Variants in RASGEF1B observed in about 807,000 individuals in gnomAD.
RASGEF1B encodes the protein RasGEF domain family member 1B.
A neutral mutation model predicts 65.7 loss-of-function variants in RASGEF1B; 30 were observed. That is an observed-to-expected ratio of 0.46 (90% CI 0.34 to 0.62). The LOEUF (loss-of-function observed/expected upper bound fraction) is 0.62, where lower values mean the gene tolerates loss of function less well. Among genes scored for constraint, RASGEF1B ranks in the 20% least tolerant of loss-of-function variants. RASGEF1B has a pLI of 0.01. For missense variants in RASGEF1B, 495 were observed against 580.1 expected, an observed-to-expected ratio of 0.85 and a Z score of 1.51; for synonymous variants, 175 against 194.8, an observed-to-expected ratio of 0.90 and a Z score of 0.85.
intron 10 of RASGEF1B, among the ~76,000 whole-genome samples, chr4:81,438,753 GT>G (rs1721733894): frequency 7.3e-6 from 1 of 137,590 alleles, no homozygotes; most frequent in South Asian, 2.4e-4. Context: ...CCCAAGTTAT[GT>G]GTTGTCCCCT....
rs1187917367 is a variant in RASGEF1B at position 81,432,322 on chromosome 4, C to T, written c.1374G>A (p.Glu458=). 6.2e-7 allele frequency: 1 copy of T among 1,609,628 alleles called. No individual in the cohort carries two copies. The highest frequency in any genetic ancestry group is 1.7e-5 in the Admixed American group (1 of 59,926). Residue 458 remains glutamate, a synonymous_variant, in exon 13 of 14, where the codon GAG becomes GAA. Coordinates refer to ENST00000264400, the MANE Select transcript of RASGEF1B (RefSeq NM_152545.3). ...ACCTTAAAGACTTCCATCTGTCTTT[C>T]TCTATATGATTTTCAGGTCCTTCAC... The part of the protein sequence containing the change: ...YESEGPENHI[E]KDRWKSLRSS...
intron 13 of RASGEF1B, among the ~76,000 whole-genome samples, chr4:81,428,594 A>G (rs1721310344): frequency 6.6e-6 from 1 of 152,236 alleles, no homozygotes; most frequent in Non-Finnish European, 1.5e-5. Context: ...TAGCATTTAC[A>G]TTATATTAGG....
intron 12 of RASGEF1B, among the ~76,000 whole-genome samples, chr4:81,432,920 A>T (rs1470396577): frequency 6.6e-6 from 1 of 152,008 alleles, no homozygotes; most frequent in Non-Finnish European, 1.5e-5. Context: ...GGCATAGGTG[A>T]TATTAATTAA....
At chr4:81,430,134 T>C (rs534111864) in intron 13 of RASGEF1B, among the ~76,000 whole-genome samples, 7 of 152,270 alleles carry the variant, frequency 4.6e-5, no homozygotes, top group African/African-American at 1.7e-4. Flanking sequence ...ACCCCGTCTG[T>C]ACTAAAGATA....
chr4:81,446,700 A>T (rs1306423074), intron 6 of RASGEF1B, among the ~76,000 whole-genome samples: 1 of 152,204 alleles, frequency 6.6e-6, no homozygotes, highest in Non-Finnish European at 1.5e-5. Flanking sequence ...AAGGCAAAAA[A>T]GTTAATCTCA....
At chr4:81,437,318 G>T (rs1721664035) in intron 10 of RASGEF1B, among the ~76,000 whole-genome samples, 1 of 152,126 alleles carries the variant, frequency 6.6e-6, no homozygotes, top group South Asian at 2.1e-4. Context: ...GAGTTTTACT[G>T]GAAGACAGCC....
At chr4:81,437,422 C>T (rs1721668024) in intron 10 of RASGEF1B, among the ~76,000 whole-genome samples, 1 of 151,856 alleles carries the variant, frequency 6.6e-6, no homozygotes, top group Admixed American at 6.6e-5. Flanking sequence ...ATAAGACAGC[C>T]CCAGGGAAAT....
intron 1 of RASGEF1B, among the ~76,000 whole-genome samples, chr4:81,463,747 C>T (rs1445346358): frequency 1.3e-5 from 2 of 152,162 alleles, no homozygotes; most frequent in Non-Finnish European, 2.9e-5. Context: ...TCTAAAGTAT[C>T]TTCCCTCTTG....
At chr4:81,460,862 A>C (rs1178043931) in intron 1 of RASGEF1B, among the ~76,000 whole-genome samples, 2 of 152,216 alleles carry the variant, frequency 1.3e-5, no homozygotes, top group African/African-American at 4.8e-5. Context: ...AACGGGATCC[A>C]TGAAAAAGCC....
chr4:81,469,882 T>C (rs1722963970), intron 1 of RASGEF1B, among the ~76,000 whole-genome samples: 1 of 152,222 alleles, frequency 6.6e-6, no homozygotes, highest in Admixed American at 6.5e-5. Context: ...ATGTAACACT[T>C]CGTTAGACAA....
At chr4:81,461,024 G>A (rs1365008092) in intron 1 of RASGEF1B, among the ~76,000 whole-genome samples, 1 of 139,824 alleles carries the variant, frequency 7.2e-6, no homozygotes, top group Admixed American at 6.7e-5. Flanking sequence ...AACACAGATG[G>A]TCTGCACACA....
In RASGEF1B at chr4:81,427,759, T is replaced by G. The variant is rs754544083; in HGVS notation, c.*9A>C. ...GCAGCAGCAGCAGCAGGCAGGCAGC[T>G]CCCATGTGTTAAACTCTGCCTAAGA... On this transcript the variant is annotated 3_prime_UTR_variant, in exon 14 of 14. Transcript: ENST00000264400. The G allele has an allele frequency of 6.2e-7, 1 of 1,613,760 alleles. No homozygotes were observed. The highest frequency in any genetic ancestry group is 8.5e-7 in the Non-Finnish European group (1 of 1,180,012).
At chr4:81,456,345 T>C in intron 4 of RASGEF1B, 1 of 596,292 alleles carries the variant, frequency 1.7e-6, no homozygotes. Context: ...TCAAACCTTT[T>C]TGGGAGGAAA....
intron 10 of RASGEF1B, among the ~76,000 whole-genome samples, chr4:81,437,334 C>T (rs1338700646): frequency 6.6e-6 from 1 of 152,154 alleles, no homozygotes; most frequent in Non-Finnish European, 1.5e-5. Context: ...CAGCCATATT[C>T]ATTCATCTTC....
At position 81,448,076 on chromosome 4, in the gene RASGEF1B, A is replaced by G. The variant is rs138656313; in HGVS notation, c.647T>C (p.Ile216Thr). ...TGATGATAACGGCCTTACCAGCTCT[A>G]TATGAGTCAGCTGCTGGGCCAACGT... ...PYTLAQQLTH[I>T]ELERLNYIGP... The change falls in exon 5 of 14, where the codon ATA (isoleucine) becomes ACA (threonine). Residue 216 changes from isoleucine to threonine, a missense_variant. Physicochemically the swap from Ile to Thr is moderately conservative, Grantham distance 89 (BLOSUM62 -1). Coordinates refer to ENST00000264400, the MANE Select transcript of RASGEF1B (RefSeq NM_152545.3). 55 of 1,613,588 alleles carry G rather than the reference A, an allele frequency of 3.4e-5. No homozygotes were observed. The highest frequency in any genetic ancestry group is 6.7e-5 in the Admixed American group (4 of 60,006).
intron 10 of RASGEF1B, among the ~76,000 whole-genome samples, chr4:81,436,150 T>G (rs909801195): frequency 2.0e-5 from 3 of 152,156 alleles, no homozygotes; most frequent in Non-Finnish European, 4.4e-5. Flanking sequence ...TATTTAGACT[T>G]CTACATTTAA....
At chr4:81,458,708 G>A (rs975631764) in intron 2 of RASGEF1B, among the ~76,000 whole-genome samples, 3 of 152,158 alleles carry the variant, frequency 2.0e-5, no homozygotes, top group Non-Finnish European at 4.4e-5. Context: ...CTGATGCTGG[G>A]AGTGGGACCA....
intron 4 of RASGEF1B, among the ~76,000 whole-genome samples, chr4:81,450,595 G>A (rs1308923278): frequency 6.6e-6 from 1 of 151,930 alleles, no homozygotes; most frequent in Non-Finnish European, 1.5e-5. Context: ...AGTAGAGATG[G>A]GGTTTTGCCA....
intron 8 of RASGEF1B, among the ~76,000 whole-genome samples, chr4:81,445,085 A>G (rs1002290287): frequency 1.3e-5 from 2 of 152,242 alleles, no homozygotes; most frequent in Admixed American, 1.3e-4. Flanking sequence ...GAGTTTGTAT[A>G]CTAGAGTAAT....
Sources: gnomAD v4.1 joint callset for allele counts (sites outside exome capture counted in the v4.1 genomes callset) on GRCh38, gnomAD v4.1.1 for gene constraint, MANE v1.5 for transcripts, NCBI Gene and HGNC (gene_info 2026-07-23, HGNC 2026-07-21) for gene names.